NUP214: variants seen among roughly 807,000 people sequenced by gnomAD.
NUP214 encodes nuclear pore complex protein Nup214.
In NUP214, 79 loss-of-function variants were observed where a neutral mutation model predicts 196.2. That is an observed-to-expected ratio of 0.40 (90% confidence interval 0.34 to 0.49). The LOEUF is 0.49. Among genes scored for constraint, NUP214 ranks in the 20% least tolerant of loss-of-function variants. The probability of loss-of-function intolerance (pLI) is 0.58; values close to 1 mark genes in which losing one functional copy is unlikely to be tolerated. For missense variants in NUP214, 2,468 were observed against 2,539.0 expected (o/e 0.97, Z 0.60); for synonymous variants, 1,020 against 990.5 (o/e 1.03, Z -0.56).
intron 31 of NUP214, among the ~76,000 whole-genome samples, chr9:131,218,623 T>G (rs1834471502): frequency 6.6e-6 from 1 of 150,990 alleles, no homozygotes; most frequent in African/African-American, 2.4e-5. Flanking sequence ...CCCGTGGTCA[T>G]CTGTTCATCA....
Position 131,198,701 on chromosome 9 carries a change from C to T in NUP214, c.5207C>T (p.Ala1736Val), listed in dbSNP as rs143837984. The T allele has an allele frequency of 1.7e-4, 273 of 1,614,186 alleles. No individual in the cohort carries two copies. The African/African-American group carries it at 3.2e-3, about 19-fold the overall frequency. The change falls in exon 29 of 36, where the codon GCG becomes GTG. Residue 1736 changes from alanine (A) to valine (V), a missense_variant. This residue lies in a region of NUP214 where 1,801 missense variants were observed against 1,779.4 expected (regional missense o/e 1.01). Transcript: ENST00000359428. ...FGQASVFGQS[A>V]SSAASVFSFS... ...CAGGCCTCAGTCTTTGGGCAGTCGGCGAGCAGTGCTGCAAGTGTCTTTTCC... is the reference window on the plus strand; with the variant it reads ...CAGGCCTCAGTCTTTGGGCAGTCGGTGAGCAGTGCTGCAAGTGTCTTTTCC...
Position 131,144,701 on chromosome 9 carries a change from G to A in NUP214, c.1716G>A (p.Met572Ile), listed in dbSNP as rs1228508204. 3 of 1,613,916 alleles carry A rather than the reference G, an allele frequency of 1.9e-6. No individual in the cohort carries two copies. The highest frequency in any genetic ancestry group is 2.5e-6 in the Non-Finnish European group (3 of 1,179,882). ...VPSVSAPNIA[M>I]KPSFPPSTSA... ...GTGTGTCTGCTCCAAATATAGCAAT[G>A]AAGCCCTCCTTCCCACCCTCAACCT... Residue 572 changes from methionine to isoleucine, a missense_variant, in exon 12 of 36, where the codon ATG becomes ATA. Met to Ile is a conservative substitution (Grantham distance 10). Transcript: ENST00000359428.
rs777620350 is a variant in NUP214, at chr9:131,127,670, T to G, written c.192T>G (p.Thr64=). 6.2e-7 allele frequency: 1 copy of G among 1,613,986 alleles called. No homozygotes were observed. The highest frequency in any genetic ancestry group is 8.5e-7 in the Non-Finnish European group (1 of 1,179,956). ...CCAGTGGCTTGCAGATTTTTCCTACTAAAAATCTTCTTATTCAAAATAAAC... is the reference window on the plus strand; with the variant it reads ...CCAGTGGCTTGCAGATTTTTCCTACGAAAAATCTTCTTATTCAAAATAAAC... ...GGASGLQIFP[T]KNLLIQNKPG... is the part of the protein sequence containing the mutation. The change falls in exon 2 of 36, where the codon ACT becomes ACG. Residue 64 remains threonine, a synonymous_variant. Transcript: ENST00000359428.
chr9:131,150,974 G>A (rs1030768378), intron 16 of NUP214, among the ~76,000 whole-genome samples: 1 of 151,958 alleles, frequency 6.6e-6, no homozygotes, highest in African/African-American at 2.4e-5. Flanking sequence ...AGTTAACCTC[G>A]TTACTCTATT....
chr9:131,197,739 A>G lies in NUP214; in HGVS notation c.4245A>G (p.Pro1415=), dbSNP rs766012462. 3.1e-6 allele frequency: 5 copies of G among 1,614,072 alleles called. No individual in the cohort carries two copies. The African/African-American group carries it at 6.7e-5, about 22-fold the overall frequency. Reference sequence around the variant, plus strand: ...CAACTGCCGTTTTTGGCAGTCTGCCAGTCACCAGTGCAGGATCCTCTGGGG... The same window carrying G: ...CAACTGCCGTTTTTGGCAGTCTGCCGGTCACCAGTGCAGGATCCTCTGGGG... The part of the protein sequence containing the change: ...TSSTAVFGSL[P]VTSAGSSGVI... The change falls in exon 29 of 36, where the codon CCA becomes CCG. Residue 1415 remains proline, a synonymous_variant. Coordinates refer to ENST00000359428, the MANE Select transcript of NUP214 (RefSeq NM_005085.4).
chr9:131,203,101 G>A (rs1320784367), intron 30 of NUP214, among the ~76,000 whole-genome samples: 2 of 151,500 alleles, frequency 1.3e-5, no homozygotes, highest in South Asian at 4.2e-4. Context: ...GCCCACCACC[G>A]CACCCAGCTA....
intron 33 of NUP214, 90 bp downstream of exon 33, chr9:131,228,421 C>T: frequency 7.5e-7 from 1 of 1,339,284 alleles, no homozygotes; most frequent in Non-Finnish European, 1.0e-6. Context: ...GAAATTTGAC[C>T]ATGAGGTGAA....
chr9:131,207,493 C>T (rs1437052403), intron 30 of NUP214, among the ~76,000 whole-genome samples: 1 of 152,174 alleles, frequency 6.6e-6, no homozygotes, highest in Non-Finnish European at 1.5e-5. Context: ...AACGTGGTGG[C>T]TAGGTTCCAA....
rs1324021877 is a variant in NUP214, at chr9:131,215,433, A to G, written c.5749+65A>G. The G allele has an allele frequency of 3.7e-6, 5 of 1,362,370 alleles. No individual in the cohort carries two copies. The East Asian group carries it at 1.4e-4, about 37-fold the overall frequency. The allele number at this position is 1,362,370 out of a possible 1,614,324, so 84.4% of individuals were successfully genotyped here. ...ATGCCATTGTCATTCTTAGGGTGTTATCAAAGCTTCAGTGACAAATATAAA... is the reference window on the plus strand; with the variant it reads ...ATGCCATTGTCATTCTTAGGGTGTTGTCAAAGCTTCAGTGACAAATATAAA... On this transcript the variant is annotated intron_variant, in intron 31 of 35. Transcript: ENST00000359428.
At chr9:131,144,865 C>A in intron 12 of NUP214, 111 bp downstream of exon 12, 1 of 842,954 alleles carries the variant, frequency 1.2e-6, no homozygotes, top group Admixed American at 3.1e-5. Flanking sequence ...AATTTTTTTA[C>A]CCAGAGTGAT....
Position 131,198,593 on chromosome 9 carries a change from C to T in NUP214, c.5099C>T (p.Thr1700Ile), listed in dbSNP as rs777144305. Residue 1700 changes from threonine (T) to isoleucine (I), a missense_variant, in exon 29 of 36, where the codon ACA (threonine) becomes ATA (isoleucine). Around this residue, in one of 5 missense-constraint regions of NUP214, gnomAD observed 1,801 missense variants for 1,779.4 expected, o/e 1.01. Coordinates refer to ENST00000359428, the MANE Select transcript of NUP214 (RefSeq NM_005085.4). Reference sequence around the variant, plus strand: ...AGCACAGCCAGCACAGCAGCTGCCACACCACAGGTCAGCAGCTCAGGGTTT... The same window carrying T: ...AGCACAGCCAGCACAGCAGCTGCCATACCACAGGTCAGCAGCTCAGGGTTT... ...TGSTASTAAA[T>I]PQVSSSGFSS... The T allele has an allele frequency of 1.2e-5, 19 of 1,614,254 alleles. No individual in the cohort carries two copies. The South Asian group carries it at 1.4e-4, about 12-fold the overall frequency.
rs967430108 is a variant in NUP214, at chr9:131,125,637, G to T, written c.-68G>T. On this transcript the variant is annotated 5_prime_UTR_variant, in exon 1 of 36. Coordinates refer to ENST00000359428, the MANE Select transcript of NUP214 (RefSeq NM_005085.4). The surrounding 1 kb of genome is among the most constrained non-coding windows in gnomAD (Gnocchi z 4.1). ...GAGGGGAGGAAGTTTGCTGTCGAGCGGCCTGGGTTCCGTGGGCAAGGCCGT... is the reference window on the plus strand; with the variant it reads ...GAGGGGAGGAAGTTTGCTGTCGAGCTGCCTGGGTTCCGTGGGCAAGGCCGT... 1 of 1,539,704 alleles carries T rather than the reference G, an allele frequency of 6.5e-7. No homozygotes were observed. The highest frequency in any genetic ancestry group is 2.0e-5 in the Admixed American group (1 of 49,198).
intron 21 of NUP214, among the ~76,000 whole-genome samples, chr9:131,169,274 TC>T (rs1832885991): frequency 6.6e-6 from 1 of 152,160 alleles, no homozygotes; most frequent in East Asian, 1.9e-4. Context: ...GACCTTGTGA[TC>T]CGCCTGCCTC....
chr9:131,192,145 GT>G, intron 26 of NUP214, 62 bp from the exon 27 acceptor site: 1 of 1,037,982 alleles, frequency 9.6e-7, no homozygotes, highest in Non-Finnish European at 1.3e-6. Context: ...CACTGGAACA[GT>G]GTTTCTGTCT....
chr9:131,198,400 G>T lies in NUP214; in HGVS notation c.4906G>T (p.Gly1636Cys). Residue 1636 changes from glycine (G) to cysteine (C), a missense_variant, in exon 29 of 36, where the codon GGT becomes TGT. By Grantham distance (159) the Gly-to-Cys change is radical. Around this residue, in one of 5 missense-constraint regions of NUP214, gnomAD observed 1,801 missense variants for 1,779.4 expected, o/e 1.01. Transcript: ENST00000359428. ...CCCATCTGCAGAGGCAGCAGCATTT[G>T]GTACCGTCACTTCTGGCTCATCCGT... is the stretch of plus-strand genomic sequence containing the variant. The part of the protein sequence containing the change: ...PGPSAEAAAF[G>C]TVTSGSSVFA... The T allele has an allele frequency of 6.2e-7, 1 of 1,614,244 alleles. No homozygotes were observed. The highest frequency in any genetic ancestry group is 1.7e-5 in the Admixed American group (1 of 60,032).
intron 24 of NUP214, among the ~76,000 whole-genome samples, chr9:131,181,516 G>A (rs781210399): frequency 2.6e-5 from 4 of 152,146 alleles, no homozygotes; most frequent in Non-Finnish European, 4.4e-5. Context: ...TTTGGTTATA[G>A]TCATCCTAGT....
intron 5 of NUP214, 96 bp from the exon 6 acceptor site, chr9:131,132,500 C>T (rs1831587079): frequency 9.7e-7 from 1 of 1,030,312 alleles, no homozygotes; most frequent in African/African-American, 1.6e-5. Flanking sequence ...GGAGATGGAA[C>T]AGGTAGCATC....
chr9:131,213,332 C>T (rs1027390410), intron 30 of NUP214, among the ~76,000 whole-genome samples: 2 of 152,122 alleles, frequency 1.3e-5, no homozygotes, highest in Non-Finnish European at 2.9e-5. Context: ...TGCACCACCA[C>T]GCCCAGCTAA....
chr9:131,141,308 A>T (rs1281245102), intron 11 of NUP214, among the ~76,000 whole-genome samples: 3 of 152,050 alleles, frequency 2.0e-5, no homozygotes, highest in Non-Finnish European at 2.9e-5. Flanking sequence ...CCTTTTTGAA[A>T]CATTTCTTAA....
Sources: gnomAD v4.1 joint callset for allele counts (sites outside exome capture counted in the v4.1 genomes callset) on GRCh38, gnomAD v4.1.1 for gene constraint, gnomAD v4.1.1 regional missense constraint, Gnocchi (gnomAD v3.1) non-coding constraint, MANE v1.5 for transcripts, NCBI Gene and HGNC (gene_info 2026-07-23, HGNC 2026-07-21) for gene names.